EMC2: variants seen among roughly 807,000 people sequenced by gnomAD.
The protein encoded by EMC2 is TPR repeat protein 35.
Under a neutral mutation model 51.6 loss-of-function variants are expected in EMC2, and 37 were observed. That is an observed-to-expected ratio of 0.72 (90% CI 0.55 to 0.94). The LOEUF (loss-of-function observed/expected upper bound fraction) is 0.94. Ranked by LOEUF, EMC2 falls within the 40% of genes least tolerant of loss-of-function variation. The pLI is 0.00. For synonymous variants in EMC2, 131 were observed against 112.4 expected, an observed-to-expected ratio of 1.17 and a Z score of -1.04; for missense variants, 359 against 350.9, an observed-to-expected ratio of 1.02 and a Z score of -0.18.
chr8:108,465,584 TG>T (rs1475653499), intron 5 of EMC2, among the ~76,000 whole-genome samples: 1 of 152,194 alleles, frequency 6.6e-6, no homozygotes, highest in Admixed American at 6.5e-5. Flanking sequence ...TTGTGGTTCG[TG>T]GTATTCTTTT....
At chr8:108,455,955 A>G in intron 5 of EMC2, 25 bp downstream of exon 5, 1 of 1,167,916 alleles carries the variant, frequency 8.6e-7, no homozygotes, top group Non-Finnish European at 1.2e-6. Flanking sequence ...TGTCTTGAAA[A>G]AAATCTAAAG....
intron 7 of EMC2, among the ~76,000 whole-genome samples, chr8:108,472,022 G>A (rs1810866995): frequency 6.6e-6 from 1 of 151,802 alleles, no homozygotes; most frequent in African/African-American, 2.4e-5. Context: ...TTTTTATAAA[G>A]GAGAGCAACC....
At chr8:108,466,960 C>A (rs1446596814) in intron 5 of EMC2, among the ~76,000 whole-genome samples, 1 of 151,982 alleles carries the variant, frequency 6.6e-6, no homozygotes, top group East Asian at 1.9e-4. Flanking sequence ...TATTAAGTGT[C>A]CAGAGAGCAA....
chr8:108,475,990 T>A, intron 8 of EMC2, 27 bp downstream of exon 8: 1 of 1,305,212 alleles, frequency 7.7e-7, no homozygotes, highest in South Asian at 1.3e-5. Flanking sequence ...CAATGGCATA[T>A]AATTTTATTT....
intron 10 of EMC2, among the ~76,000 whole-genome samples, chr8:108,484,551 A>C (rs1469918914): frequency 6.6e-6 from 1 of 152,014 alleles, no homozygotes; most frequent in African/African-American, 2.4e-5. Context: ...TGTATTTAAA[A>C]ATACATGTTA....
intron 7 of EMC2, among the ~76,000 whole-genome samples, chr8:108,473,048 T>C (rs909261407): frequency 1.3e-5 from 2 of 152,010 alleles, no homozygotes; most frequent in Non-Finnish European, 2.9e-5. Flanking sequence ...ATCTATAGTA[T>C]AATTTTCATA....
At chr8:108,462,639 A>G (rs1426499921) in intron 5 of EMC2, among the ~76,000 whole-genome samples, 1 of 152,154 alleles carries the variant, frequency 6.6e-6, no homozygotes, top group Admixed American at 6.5e-5. Context: ...GCCACGTGGT[A>G]TATTATCAGC....
intron 7 of EMC2, chr8:108,475,645 A>G (rs1300645919): frequency 2.5e-6 from 1 of 406,276 alleles, no homozygotes; most frequent in African/African-American, 2.1e-5. Flanking sequence ...GTATCTATTG[A>G]TTGTTTGCAG....
At chr8:108,481,725 G>A (rs1811047714) in intron 10 of EMC2, among the ~76,000 whole-genome samples, 1 of 151,950 alleles carries the variant, frequency 6.6e-6, no homozygotes, top group African/African-American at 2.4e-5. Flanking sequence ...AAGCTCTCTT[G>A]GTAAGTCCTC....
intron 5 of EMC2, among the ~76,000 whole-genome samples, chr8:108,463,008 C>T (rs1819367948): frequency 1.3e-5 from 2 of 152,182 alleles, no homozygotes; most frequent in Admixed American, 6.5e-5. Flanking sequence ...TTCTGGTGCT[C>T]TGCCTAGTTA....
chr8:108,455,795 A>C (rs970666624), intron 4 of EMC2, 78 bp from the exon 5 acceptor site: 7 of 546,290 alleles, frequency 1.3e-5, no homozygotes, highest in African/African-American at 8.1e-5. Context: ...AAGCCAGTTT[A>C]ATTTTTTTCT....
chr8:108,453,630 C>G (rs527599908), intron 4 of EMC2, among the ~76,000 whole-genome samples: 1 of 151,868 alleles, frequency 6.6e-6, no homozygotes, highest in East Asian at 1.9e-4. Context: ...GTAGTGTTTT[C>G]TAGACAATAG....
rs1322941553 is a variant in EMC2, at chr8:108,488,391, C to G, written c.*1793C>G. Among the ~76,000 whole-genome samples the G allele has an allele frequency of 6.6e-6, 1 of 152,004 alleles. No homozygotes were observed. The highest frequency in any genetic ancestry group is 2.4e-5 in the African/African-American group (1 of 41,372). ...GCCAGGCTGGTCTGAAACTCCTGGCCTCAAGTGATCTACCCGCCTCAGCCT... is the reference window on the plus strand; with the variant it reads ...GCCAGGCTGGTCTGAAACTCCTGGCGTCAAGTGATCTACCCGCCTCAGCCT... On this transcript the variant is annotated 3_prime_UTR_variant, in exon 11 of 11. Coordinates refer to ENST00000220853, the MANE Select transcript of EMC2 (RefSeq NM_014673.5).
intron 8 of EMC2, among the ~76,000 whole-genome samples, chr8:108,476,211 TAA>T (rs1297317160): frequency 6.6e-6 from 1 of 151,880 alleles, no homozygotes; most frequent in African/African-American, 2.4e-5. Context: ...TTCCTAATTA[TAA>T]GTTATATCAC....
chr8:108,447,144 G>T (rs1818896218), intron 1 of EMC2, among the ~76,000 whole-genome samples: 1 of 152,056 alleles, frequency 6.6e-6, no homozygotes, highest in Admixed American at 6.6e-5. Flanking sequence ...AACCAAAGTT[G>T]CATTTACAAA....
chr8:108,475,831 A>G (rs1355616570), intron 7 of EMC2, 51 bp from the exon 8 acceptor site: 5 of 1,019,826 alleles, frequency 4.9e-6, no homozygotes, highest in South Asian at 4.2e-5. Flanking sequence ...TTTAACTAAG[A>G]TAAAAATTTG....
chr8:108,476,977 CT>C, intron 9 of EMC2, 85 bp downstream of exon 9: 1 of 650,674 alleles, frequency 1.5e-6, no homozygotes, highest in Middle Eastern at 3.3e-4. Context: ...CACTCCTCTC[CT>C]GTTTTTTGTA....
chr8:108,460,573 C>T (rs1181891470), intron 5 of EMC2, among the ~76,000 whole-genome samples: 1 of 152,140 alleles, frequency 6.6e-6, no homozygotes, highest in Non-Finnish European at 1.5e-5. Flanking sequence ...CACAAAATTA[C>T]TTAAAATACT....
chr8:108,452,957 A>G, intron 3 of EMC2, 105 bp from the exon 4 acceptor site: 1 of 476,910 alleles, frequency 2.1e-6, no homozygotes, highest in Non-Finnish European at 3.8e-6. Context: ...ATTAGATGAC[A>G]CTAATGAAAT....
Sources: gnomAD v4.1 joint callset for allele counts (sites outside exome capture counted in the v4.1 genomes callset) on GRCh38, gnomAD v4.1.1 for gene constraint, MANE v1.5 for transcripts, NCBI Gene and HGNC (gene_info 2026-07-23, HGNC 2026-07-21) for gene names.